Variants in NXN observed in about 807,000 individuals in gnomAD.
The protein encoded by NXN is nucleoredoxin 1.
Under a neutral mutation model 48.6 loss-of-function variants are expected in NXN, and 16 were observed. That is an observed-to-expected ratio of 0.33 (90% CI 0.22 to 0.50). The LOEUF is 0.50. Among genes scored for constraint, NXN ranks in the 20% least tolerant of loss-of-function variants. The probability of loss-of-function intolerance (pLI) is 0.98; values close to 1 mark genes in which losing one functional copy is unlikely to be tolerated. For missense variants in NXN, 492 were observed against 605.5 expected (o/e 0.81, Z 1.97); for synonymous variants, 281 against 269.6 (o/e 1.04, Z -0.41).
intron 1 of NXN, among the ~76,000 whole-genome samples, chr17:946,593 G>A (rs1385829120): frequency 2.0e-5 from 3 of 152,208 alleles, no homozygotes; most frequent in Non-Finnish European, 4.4e-5. Flanking sequence ...CGCCCTGGCT[G>A]AGAAGTTCCC....
chr17:814,258 C>CA (rs902838957), intron 5 of NXN, among the ~76,000 whole-genome samples: 2 of 150,298 alleles, frequency 1.3e-5, no homozygotes, highest in East Asian at 1.9e-4. Flanking sequence ...GACTCTGTCT[C>CA]AAAAAAAAGA....
chr17:854,209 G>A (rs73291514), intron 1 of NXN, among the ~76,000 whole-genome samples: 1,611 of 152,202 alleles, frequency 0.011, 26 homozygotes, highest in African/African-American at 0.037. Context: ...TCTAATTCCC[G>A]CTTCCCACCG....
intron 1 of NXN, among the ~76,000 whole-genome samples, chr17:945,583 A>T (rs2069033733): frequency 6.7e-6 from 1 of 148,708 alleles, no homozygotes; most frequent in African/African-American, 2.5e-5. Context: ...GTGAGCCGAG[A>T]TCGTGCCACT....
chr17:914,784 G>A (rs2068670003), intron 1 of NXN, among the ~76,000 whole-genome samples: 1 of 151,938 alleles, frequency 6.6e-6, no homozygotes, highest in Admixed American at 6.6e-5. Context: ...GGGTGTAGAG[G>A]AGGCGGAGCT....
At position 847,207 on chromosome 17, in the gene NXN, T is replaced by G. The variant is rs1442319686; in HGVS notation, c.361-21129A>C. Among the ~76,000 whole-genome samples the G allele has an allele frequency of 2.0e-5, 3 of 151,650 alleles. No individual in the cohort carries two copies. In the East Asian group the frequency reaches 5.9e-4, roughly 30 times the overall value. ...GCTCCCTTCTCAATTTCCTATTTGA[T>G]TGTTATTTCACAAGGGCTTTTTTTT... On this transcript the variant is annotated intron_variant, in intron 1 of 7. Transcript: ENST00000336868.
intron 1 of NXN, among the ~76,000 whole-genome samples, chr17:841,612 A>C (rs77416245): frequency 0.22 from 1,819 of 8,124 alleles, 291 homozygotes; most frequent in African/African-American, 0.36. Flanking sequence ...CCGACCACAG[A>C]GCATCTCACA....
intron 1 of NXN, among the ~76,000 whole-genome samples, chr17:852,688 C>G (rs982534170): frequency 6.6e-6 from 1 of 152,230 alleles, no homozygotes; most frequent in Non-Finnish European, 1.5e-5. Context: ...TGAGTCAGCC[C>G]GGGCTATAGA....
intron 1 of NXN, among the ~76,000 whole-genome samples, chr17:922,003 C>G (rs893491251): frequency 2.6e-5 from 4 of 152,238 alleles, no homozygotes; most frequent in African/African-American, 9.6e-5. Flanking sequence ...CTGAAGACAT[C>G]GCTGTCAACC....
intron 1 of NXN, among the ~76,000 whole-genome samples, chr17:858,717 A>G (rs1159364915): frequency 1.3e-5 from 2 of 151,638 alleles, no homozygotes; most frequent in Non-Finnish European, 2.9e-5. Context: ...TGACAGAGCG[A>G]GACTCCGTCT....
At position 850,870 on chromosome 17, in the gene NXN, C is replaced by T. The variant is rs1027287714; in HGVS notation, c.361-24792G>A. Among the ~76,000 whole-genome samples, 5 of 152,174 alleles carry T rather than the reference C, an allele frequency of 3.3e-5. No individual in the cohort carries two copies. The East Asian group carries it at 5.8e-4, about 18-fold the overall frequency. On this transcript the variant is annotated intron_variant, in intron 1 of 7. Transcript: ENST00000336868. ...CCAGGTGTGTGCTGGTTCCAGATGCCGCCAGTGCCACAGAACCAAGACGGG... is the reference window on the plus strand; with the variant it reads ...CCAGGTGTGTGCTGGTTCCAGATGCTGCCAGTGCCACAGAACCAAGACGGG...
At chr17:869,941 C>T (rs1371866216) in intron 1 of NXN, among the ~76,000 whole-genome samples, 6 of 152,210 alleles carry the variant, frequency 3.9e-5, no homozygotes, top group Non-Finnish European at 5.9e-5. Flanking sequence ...TGGTGCCAGG[C>T]GCTTGGTGCT....
At chr17:934,868 T>C (rs2068892155) in intron 1 of NXN, among the ~76,000 whole-genome samples, 1 of 151,834 alleles carries the variant, frequency 6.6e-6, no homozygotes, top group East Asian at 1.9e-4. Context: ...GAAGACGCCA[T>C]CTCAAAAAAA....
At chr17:966,116 C>CAA (rs772359548) in intron 1 of NXN, among the ~76,000 whole-genome samples, 4 of 112,212 alleles carry the variant, frequency 3.6e-5, no homozygotes, top group South Asian at 3.0e-4. Context: ...AATTCTGTCT[C>CAA]AAAAAAAAAA....
chr17:876,047 G>A (rs1233148643), intron 1 of NXN, among the ~76,000 whole-genome samples: 2 of 152,044 alleles, frequency 1.3e-5, no homozygotes, highest in Non-Finnish European at 2.9e-5. Context: ...CGGGCGTGGT[G>A]GCGTGCACCT....
intron 1 of NXN, among the ~76,000 whole-genome samples, chr17:835,801 T>C (rs1209226169): frequency 0.024 from 48 of 1,998 alleles, 1 homozygote; most frequent in African/African-American, 0.091. Context: ...GTCAGCCTCA[T>C]AGAGGCCGCA....
At position 919,972 on chromosome 17, in the gene NXN, TTCA is replaced by T. The variant is rs2068729088; in HGVS notation, c.360+59344_360+59346del. 6.6e-6 allele frequency among the ~76,000 whole-genome samples: 1 copy of T among 152,130 alleles called. No individual in the cohort carries two copies. Among genetic ancestry groups the T allele is most frequent in the Non-Finnish European group, 1.5e-5 (1 of 68,024 alleles). On this transcript the variant is annotated intron_variant, in intron 1 of 7. Transcript: ENST00000336868. The surrounding 1 kb of genome is among the most constrained non-coding windows in gnomAD (Gnocchi z 5.1). ...AGCCCCCACCGGCACCCTTGGTGCC[TTCA>T]TCACCCATCCAGAGCAACTACCCAC...
At chr17:960,036 C>T (rs2069218692) in intron 1 of NXN, among the ~76,000 whole-genome samples, 2 of 151,210 alleles carry the variant, frequency 1.3e-5, no homozygotes, top group South Asian at 2.1e-4. Context: ...AGGTTGCGGT[C>T]AGCCGAGATT....
intron 1 of NXN, among the ~76,000 whole-genome samples, chr17:967,757 G>A (rs779749565): frequency 6.6e-6 from 1 of 152,162 alleles, no homozygotes; most frequent in Non-Finnish European, 1.5e-5. Flanking sequence ...GGATCACGAG[G>A]TCAGGAGATC....
chr17:884,373 C>A (rs2068320458), intron 1 of NXN, among the ~76,000 whole-genome samples: 1 of 152,008 alleles, frequency 6.6e-6, no homozygotes, highest in Non-Finnish European at 1.5e-5. Context: ...CCACTGCACT[C>A]CAGCCTGGGT....
Sources: allele counts gnomAD v4.1 joint callset (sites outside exome capture counted in the v4.1 genomes callset), GRCh38; gene constraint gnomAD v4.1.1; non-coding constraint Gnocchi (gnomAD v3.1); transcripts MANE v1.5; gene names NCBI Gene and HGNC (gene_info 2026-07-23, HGNC 2026-07-21).